TRIM37: variants seen among roughly 807,000 people sequenced by gnomAD.
TRIM37 encodes the protein tripartite motif containing 37, also known as E3 ubiquitin-protein ligase TRIM37.
Under a neutral mutation model 129.8 loss-of-function variants are expected in TRIM37, and 80 were observed. The ratio of observed to expected loss-of-function variants is 0.62; its 90% CI spans 0.51 to 0.74. The LOEUF is 0.74. Among genes scored for constraint, TRIM37 ranks in the 30% least tolerant of loss-of-function variants. The probability of loss-of-function intolerance (pLI) is 0.00; values close to 1 mark genes in which losing one functional copy is unlikely to be tolerated. For synonymous variants in TRIM37, 389 were observed against 387.1 expected, an observed-to-expected ratio of 1.00 and a Z score of -0.06; for missense variants, 1,054 against 1,176.5, an observed-to-expected ratio of 0.90 and a Z score of 1.52.
At chr17:58,979,906 T>C, downstream of TRIM37, 2 of 1,243,168 alleles carry the variant, frequency 1.6e-6, no homozygotes, top group Non-Finnish European at 2.3e-6. Context: ...ATGGCATTGG[T>C]CATAAACGTT....
chr17:59,013,609 A>G (rs1269972397), intron 21 of TRIM37, among the ~76,000 whole-genome samples: 2 of 152,206 alleles, frequency 1.3e-5, no homozygotes, highest in East Asian at 1.9e-4. Flanking sequence ...AAACTAGGTC[A>G]TGGGAGTTAA....
chr17:59,087,346 C>T (rs769351592), intron 4 of TRIM37, among the ~76,000 whole-genome samples: 5 of 152,034 alleles, frequency 3.3e-5, no homozygotes, highest in Non-Finnish European at 7.4e-5. Context: ...CCACCCACCT[C>T]GGCTTCCCAA....
Position 58,998,708 on chromosome 17 carries a change from T to C in TRIM37, c.*669A>G. 1 of 985,638 alleles carries C rather than the reference T, an allele frequency of 1.0e-6. No individual in the cohort carries two copies. The highest frequency in any genetic ancestry group is 1.2e-6 in the Non-Finnish European group (1 of 830,070). The allele number at this position is 985,638 out of a possible 1,614,324, so 61.1% of individuals were successfully genotyped here. ...ACACGTGTCTACAGGGCCAGGAACG[T>C]AATGAATCCATGTTAACTTAATTTC... On this transcript the variant is annotated 3_prime_UTR_variant, in exon 24 of 24. Transcript: ENST00000262294.
At chr17:59,070,735 C>T (rs1261263227) in intron 9 of TRIM37, 88 bp downstream of exon 9, 5 of 1,374,620 alleles carry the variant, frequency 3.6e-6, no homozygotes, top group Non-Finnish European at 5.1e-6. Flanking sequence ...AGAGAGATGG[C>T]ATTAAAAAAA....
In TRIM37 at chr17:59,064,412, A is replaced by C. The variant is rs1447680449; in HGVS notation, c.810-7T>G. 1.0e-5 allele frequency: 16 copies of C among 1,576,714 alleles called. No individual in the cohort carries two copies. The highest frequency in any genetic ancestry group is 1.4e-5 in the Non-Finnish European group (16 of 1,161,046). On this transcript the variant is annotated splice_polypyrimidine_tract_variant and splice_region_variant and intron_variant, in intron 9 of 23. Transcript: ENST00000262294. ...GTAAGATGGCACTAATTCACTAAAA[A>C]AAAAAAGGCAAAAAAAATTATTTAG...
In TRIM37 at chr17:59,051,394, A is replaced by C. The variant is rs2040332360; in HGVS notation, c.1200-66T>G. ...GTAAAACATTATCAGTCTAGCACTG[A>C]ATTCTGCAATTTGGGTTAACTTGAT... On this transcript the variant is annotated intron_variant, in intron 13 of 23. Transcript: ENST00000262294. 4.4e-6 allele frequency: 5 copies of C among 1,141,950 alleles called. No homozygotes were observed. In the Admixed American group the frequency reaches 7.1e-5, roughly 16 times the overall value. The allele number at this position is 1,141,950 out of a possible 1,614,324, so 70.7% of individuals were successfully genotyped here.
At chr17:59,060,325 T>A (rs1301213073) in intron 12 of TRIM37, among the ~76,000 whole-genome samples, 1 of 151,990 alleles carries the variant, frequency 6.6e-6, no homozygotes, top group East Asian at 1.9e-4. Flanking sequence ...TGTTGTTTCA[T>A]GAGGTCTTTT....
At chr17:59,054,811 C>T (rs555098980) in intron 13 of TRIM37, among the ~76,000 whole-genome samples, 1 of 151,810 alleles carries the variant, frequency 6.6e-6, no homozygotes, top group East Asian at 2.0e-4. Flanking sequence ...ATTACAGGCG[C>T]GTGCCACCAC....
intron 13 of TRIM37, among the ~76,000 whole-genome samples, chr17:59,054,080 G>A (rs539162690): frequency 6.6e-6 from 1 of 152,260 alleles, no homozygotes; most frequent in East Asian, 1.9e-4. Flanking sequence ...TGTCCAGTAT[G>A]CTCAAGAACA....
intron 2 of TRIM37, 73 bp from the exon 3 acceptor site, chr17:59,091,413 A>C: frequency 2.6e-6 from 1 of 388,478 alleles, no homozygotes. Context: ...AATATTTTAT[A>C]TTTATATATA....
At chr17:59,053,313 C>A (rs930583529) in intron 13 of TRIM37, among the ~76,000 whole-genome samples, 2 of 152,114 alleles carry the variant, frequency 1.3e-5, no homozygotes, top group Non-Finnish European at 2.9e-5. Flanking sequence ...CAAAATTCCA[C>A]CAGAATCTTG....
At chr17:59,033,889 G>A (rs79436560) in intron 17 of TRIM37, among the ~76,000 whole-genome samples, 52,469 of 151,224 alleles carry the variant, frequency 0.35, 9,733 homozygotes, top group East Asian at 0.52. Context: ...AGGCCAAGGT[G>A]TGCAGATCAC....
the TRIM37 span, chr17:58,972,690 G>A: frequency 1.4e-6 from 1 of 732,736 alleles, no homozygotes; most frequent in Non-Finnish European, 2.3e-6. Context: ...TATCACATCA[G>A]CAACTGTGCC....
At chr17:59,056,816 A>G (rs2040969244) in intron 13 of TRIM37, 59 bp downstream of exon 13, 2 of 1,334,584 alleles carry the variant, frequency 1.5e-6, no homozygotes, top group Non-Finnish European at 1.0e-6. Flanking sequence ...TTTGAAATAT[A>G]GTTCTGATGA....
chr17:59,071,992 T>C (rs2042410511), intron 8 of TRIM37, among the ~76,000 whole-genome samples: 1 of 152,222 alleles, frequency 6.6e-6, no homozygotes, highest in African/African-American at 2.4e-5. Context: ...CTCCATAATT[T>C]ATATACTGCA....
intron 7 of TRIM37, among the ~76,000 whole-genome samples, chr17:59,078,103 T>C (rs1203212368): frequency 1.3e-5 from 2 of 151,774 alleles, no homozygotes; most frequent in Admixed American, 1.3e-4. Context: ...CCAGCCTGAA[T>C]GACAGAGCGA....
chr17:58,968,331 G>A, the TRIM37 span, among the ~76,000 whole-genome samples: 3 of 152,170 alleles, frequency 2.0e-5, no homozygotes, highest in South Asian at 2.1e-4. Context: ...AGGCTGAGGC[G>A]GGATGATCCT....
chr17:59,079,445 T>C (rs879505556), intron 7 of TRIM37, among the ~76,000 whole-genome samples: 8 of 152,170 alleles, frequency 5.3e-5, no homozygotes, highest in African/African-American at 7.2e-5. Flanking sequence ...GGAAAGGATA[T>C]GGAACATTAG....
At chr17:59,103,767 G>A (rs1301661533) in intron 2 of TRIM37, among the ~76,000 whole-genome samples, 1 of 150,154 alleles carries the variant, frequency 6.7e-6, no homozygotes, top group Non-Finnish European at 1.5e-5. Context: ...TCCTGCCTCA[G>A]CCTCCCAAGT....
Sources: gnomAD v4.1 joint callset for allele counts (sites outside exome capture counted in the v4.1 genomes callset) on GRCh38, gnomAD v4.1.1 for gene constraint, MANE v1.5 for transcripts, NCBI Gene and HGNC (gene_info 2026-07-23, HGNC 2026-07-21) for gene names.